The following SNX29 variants were observed in gnomAD, a reference collection of about 807,000 sequenced individuals.
SNX29 encodes the protein sorting nexin-29.
Under a neutral mutation model 102.1 loss-of-function variants are expected in SNX29, and 78 were observed. The ratio of observed to expected loss-of-function variants is 0.76; its 90% CI spans 0.64 to 0.92. The LOEUF (loss-of-function observed/expected upper bound fraction) is 0.92, where lower values mean the gene tolerates loss of function less well. Ranked by LOEUF, SNX29 falls within the 40% of genes least tolerant of loss-of-function variation. The probability of loss-of-function intolerance (pLI) is 0.00; values close to 1 mark genes in which losing one functional copy is unlikely to be tolerated. For synonymous variants in SNX29, 580 were observed against 414.5 expected, an observed-to-expected ratio of 1.40 and a Z score of -4.85; for missense variants, 1,280 against 1,061.7, an observed-to-expected ratio of 1.21 and a Z score of -2.86.
intron 13 of SNX29, among the ~76,000 whole-genome samples, chr16:12,133,405 T>C (rs770322040): frequency 1.7e-4 from 25 of 147,220 alleles, no homozygotes; most frequent in Admixed American, 6.2e-4. Context: ...ATTCTCCCAC[T>C]TCAGCCTCTG....
At chr16:12,280,648 T>A (rs1596741582) in intron 15 of SNX29, among the ~76,000 whole-genome samples, 1 of 152,226 alleles carries the variant, frequency 6.6e-6, no homozygotes, top group African/African-American at 2.4e-5. Context: ...TGATTTTTCC[T>A]TCTTTTTTGG....
chr16:12,299,813 A>AT (rs2080106014), intron 15 of SNX29, among the ~76,000 whole-genome samples: 1 of 129,616 alleles, frequency 7.7e-6, no homozygotes, highest in South Asian at 2.4e-4. Context: ...AACTACCTTG[A>AT]TTTAATATTT....
intron 4 of SNX29, among the ~76,000 whole-genome samples, chr16:12,041,402 G>A (rs565642966): frequency 2.6e-5 from 4 of 152,322 alleles, no homozygotes; most frequent in Admixed American, 6.5e-5. Flanking sequence ...ATGGGCCACC[G>A]TGCCTGGCCT....
chr16:12,434,867 A>T (rs1382401927), intron 18 of SNX29, among the ~76,000 whole-genome samples: 4 of 151,562 alleles, frequency 2.6e-5, no homozygotes, highest in African/African-American at 9.7e-5. Context: ...CCACTTTGTA[A>T]CAGACGTTAC....
intron 15 of SNX29, among the ~76,000 whole-genome samples, chr16:12,338,693 A>G (rs551544817): frequency 6.6e-6 from 1 of 152,338 alleles, no homozygotes; most frequent in East Asian, 1.9e-4. Flanking sequence ...TAGCTTGATA[A>G]GGGACATCAT....
At chr16:12,287,061 C>G (rs538222143) in intron 15 of SNX29, among the ~76,000 whole-genome samples, 55 of 152,292 alleles carry the variant, frequency 3.6e-4, no homozygotes, top group African/African-American at 1.2e-3. Context: ...CCCAGCTTCC[C>G]GAACAAGGAA....
chr16:12,566,985 C>G (rs1001005094), intron 20 of SNX29, among the ~76,000 whole-genome samples: 1 of 152,246 alleles, frequency 6.6e-6, no homozygotes, highest in Admixed American at 6.5e-5. Flanking sequence ...GTGGCCATGT[C>G]CCTGGAAAGG....
At chr16:12,176,368 G>A (rs1206150638) in intron 13 of SNX29, among the ~76,000 whole-genome samples, 2 of 152,084 alleles carry the variant, frequency 1.3e-5, no homozygotes, top group African/African-American at 4.8e-5. Context: ...TCCGTGCCCC[G>A]GTTTCCATTT....
chr16:12,119,714 C>T (rs1000809695), intron 11 of SNX29, among the ~76,000 whole-genome samples: 5 of 152,040 alleles, frequency 3.3e-5, no homozygotes, highest in Non-Finnish European at 5.9e-5. Flanking sequence ...TGGCACTGCC[C>T]GCTTGGGGGG....
chr16:12,360,562 T>C (rs897702023), intron 16 of SNX29, among the ~76,000 whole-genome samples: 1 of 152,102 alleles, frequency 6.6e-6, no homozygotes, highest in African/African-American at 2.4e-5. Context: ...TAAATGTTGG[T>C]CTAGGAAAGC....
At chr16:12,129,350 T>G (rs1423006462) in intron 12 of SNX29, among the ~76,000 whole-genome samples, 1 of 152,186 alleles carries the variant, frequency 6.6e-6, no homozygotes, top group East Asian at 1.9e-4. Context: ...GCTCACCTCA[T>G]TGTTTTCCCT....
Position 12,572,575 on chromosome 16 carries a change from A to C in SNX29, c.*3946A>C. 1 of 1,064,062 alleles carries C rather than the reference A, an allele frequency of 9.4e-7. No individual in the cohort carries two copies. Among genetic ancestry groups the C allele is most frequent in the Non-Finnish European group, 1.1e-6 (1 of 878,466 alleles). 65.9% of individuals were successfully genotyped at this position (1,064,062 alleles called of 1,614,324 possible). On this transcript the variant is annotated 3_prime_UTR_variant, in exon 21 of 21. Coordinates refer to ENST00000566228, the MANE Select transcript of SNX29 (RefSeq NM_032167.5). The stretch of plus-strand genomic sequence containing the variant: ...TGGCTCCTCACAGGGAGGTCCAGCC[A>C]TGTTCTCTGGGCTCCCAGTGAGCCC...
chr16:12,568,685 A>C lies in SNX29; in HGVS notation c.*56A>C. ...GCGTGGCACCAGCTGCGTCCACCCCAGCCACTGCCGCTGGCCCCTCACCTC... is the reference window on the plus strand; with the variant it reads ...GCGTGGCACCAGCTGCGTCCACCCCCGCCACTGCCGCTGGCCCCTCACCTC... On this transcript the variant is annotated 3_prime_UTR_variant, in exon 21 of 21. Coordinates refer to ENST00000566228, the MANE Select transcript of SNX29 (RefSeq NM_032167.5). 1 of 1,583,358 alleles carries C rather than the reference A, an allele frequency of 6.3e-7. No individual in the cohort carries two copies. The highest frequency in any genetic ancestry group is 1.7e-5 in the Admixed American group (1 of 58,280).
intron 14 of SNX29, among the ~76,000 whole-genome samples, chr16:12,218,717 T>G (rs1383877389): frequency 1.3e-5 from 2 of 152,226 alleles, no homozygotes; most frequent in Non-Finnish European, 2.9e-5. Context: ...TATGCTATAA[T>G]TTTTCAAATC....
chr16:12,511,346 C>A (rs1247423862), intron 19 of SNX29, among the ~76,000 whole-genome samples: 1 of 152,202 alleles, frequency 6.6e-6, no homozygotes, highest in Admixed American at 6.5e-5. Flanking sequence ...CACTGAATCT[C>A]TTGGAGCCTC....
intron 16 of SNX29, among the ~76,000 whole-genome samples, chr16:12,386,358 C>G (rs563181257): frequency 6.6e-5 from 10 of 152,308 alleles, no homozygotes; most frequent in Non-Finnish European, 1.2e-4. Flanking sequence ...TTACAACAAA[C>G]CTCTGAGGGA....
chr16:12,117,610 G>C (rs1394166612), intron 11 of SNX29, among the ~76,000 whole-genome samples: 1 of 152,242 alleles, frequency 6.6e-6, no homozygotes, highest in East Asian at 1.9e-4. Context: ...GGTTGCCAGG[G>C]AGGAGGATGA....
At chr16:12,455,763 C>G (rs1380582966) in intron 18 of SNX29, among the ~76,000 whole-genome samples, 2 of 152,220 alleles carry the variant, frequency 1.3e-5, no homozygotes, top group Non-Finnish European at 2.9e-5. Context: ...CCTTTGCTCA[C>G]TGCCAGATGC....
In SNX29 at chr16:12,483,114, GTTTTTTTTTTT is replaced by G. The variant is rs574090459; in HGVS notation, c.2178+5274_2178+5284del. Among the ~76,000 whole-genome samples the G allele has an allele frequency of 8.6e-4, 57 of 66,216 alleles. 2 individuals carry two copies. The highest frequency in any genetic ancestry group is 4.0e-3 in the South Asian group (6 of 1,484). The allele number at this position is 66,216 out of a possible 152,430, so 43.4% of individuals were successfully genotyped here. ...AATAGATACATATTGAAGTTATTAAGTTTTTTTTTTTTTTTTTTTTTTTTTTTTTGGAGACA... is the reference window on the plus strand; with the variant it reads ...AATAGATACATATTGAAGTTATTAAGTTTTTTTTTTTTTTTTTTGGAGACA... On this transcript the variant is annotated intron_variant, in intron 19 of 20. Transcript: ENST00000566228.
Sources: gnomAD v4.1 joint callset for allele counts (sites outside exome capture counted in the v4.1 genomes callset) on GRCh38, gnomAD v4.1.1 for gene constraint, MANE v1.5 for transcripts, NCBI Gene and HGNC (gene_info 2026-07-23, HGNC 2026-07-21) for gene names.